ATAD5: variants seen among roughly 807,000 people sequenced by gnomAD.
ATAD5 encodes the protein ATPase family AAA domain containing 5.
A neutral mutation model predicts 176.9 loss-of-function variants in ATAD5; 58 were observed. That is an observed-to-expected ratio of 0.33 (90% CI 0.27 to 0.41). The LOEUF is 0.41. Ranked by LOEUF, ATAD5 falls within the 10% of genes least tolerant of loss-of-function variation. The probability of loss-of-function intolerance (pLI) is 1.00; values close to 1 mark genes in which losing one functional copy is unlikely to be tolerated. For synonymous variants in ATAD5, 640 were observed against 712.6 expected, an observed-to-expected ratio of 0.90 and a Z score of 1.62; for missense variants, 1,789 against 2,094.1, an observed-to-expected ratio of 0.85 and a Z score of 2.84.
In ATAD5 at chr17:30,832,189, C is replaced by G; in HGVS notation, c.-159C>G. ...ATTCGGCTGATCTGGGCCCAGCCTC[C>G]GCTCCCGCTCTCTGTCGGTGGGCGC... is the stretch of plus-strand genomic sequence containing the variant. On this transcript the variant is annotated 5_prime_UTR_variant, in exon 1 of 23. Transcript: ENST00000321990. 4.4e-6 allele frequency: 2 copies of G among 456,388 alleles called. No individual in the cohort carries two copies. Among genetic ancestry groups the G allele is most frequent in the South Asian group, 1.3e-4 (2 of 15,988 alleles). 28.3% of individuals were successfully genotyped at this position (456,388 alleles called of 1,614,324 possible).
At chr17:30,879,671 T>G (rs1483329708) in intron 18 of ATAD5, among the ~76,000 whole-genome samples, 184 bp downstream of exon 18, 2 of 151,886 alleles carry the variant, frequency 1.3e-5, no homozygotes, top group Non-Finnish European at 2.9e-5. Flanking sequence ...CACGCCATTC[T>G]CCTGCCTCAG....
chr17:30,884,549 C>T (rs1235427450), intron 18 of ATAD5, among the ~76,000 whole-genome samples: 4 of 150,734 alleles, frequency 2.7e-5, no homozygotes, highest in African/African-American at 4.9e-5. Context: ...TTGCCTCAGC[C>T]TCCCGAGTAG....
intron 6 of ATAD5, among the ~76,000 whole-genome samples, chr17:30,850,873 T>A (rs1366697786): frequency 0.03 from 476 of 15,914 alleles, no homozygotes; most frequent in East Asian, 0.074. Flanking sequence ...ATATATATTT[T>A]TTTTTTTTTT....
chr17:30,877,332 T>C, intron 15 of ATAD5, 84 bp from the exon 16 acceptor site: 1 of 968,372 alleles, frequency 1.0e-6, no homozygotes. Flanking sequence ...ATAATGGATT[T>C]CAGTTTGAGC....
At chr17:30,892,902 T>TC (rs1443799506) in intron 20 of ATAD5, 114 bp downstream of exon 20, 2 of 953,936 alleles carry the variant, frequency 2.1e-6, no homozygotes, top group African/African-American at 3.3e-5. Context: ...ATAATTTGTA[T>TC]AAGCCTTAGG....
In ATAD5 at chr17:30,894,592, A is replaced by G; in HGVS notation, c.5326A>G (p.Lys1776Glu). 1.2e-6 allele frequency: 2 copies of G among 1,611,758 alleles called. No homozygotes were observed. The highest frequency in any genetic ancestry group is 1.7e-6 in the Non-Finnish European group (2 of 1,179,382). ...DNAWKRISVI[K>E]SVFSSRSLLY... Reference sequence around the variant, plus strand: ...TGCTTGGAAGAGGATATCAGTCATTAAAAGTGTATTTTCGAGTCGATCTCT... The same window carrying G: ...TGCTTGGAAGAGGATATCAGTCATTGAAAGTGTATTTTCGAGTCGATCTCT... The change falls in exon 22 of 23, where the codon AAA (lysine) becomes GAA (glutamate). Residue 1776 changes from lysine (K) to glutamate (E), a missense_variant. This residue lies in a region of ATAD5 where 403 missense variants were observed against 495.1 expected (regional missense o/e 0.81). Transcript: ENST00000321990.
chr17:30,835,699 G>T lies in ATAD5; in HGVS notation c.1618G>T (p.Val540Phe), dbSNP rs1212819372. 1 of 1,609,362 alleles carries T rather than the reference G, an allele frequency of 6.2e-7. No homozygotes were observed. The highest frequency in any genetic ancestry group is 1.1e-5 in the South Asian group (1 of 89,712). ...CACTTTATTTAACAATGAAAGTCTT[G>T]TTTATGAAGATATAGCAAATGATGA... ...SSTLFNNESL[V>F]YEDIANDDLL... is the part of the protein sequence containing the mutation. Residue 540 changes from valine to phenylalanine, a missense_variant, in exon 2 of 23, where the codon GTT (valine) becomes TTT (phenylalanine). Around this residue, in one of 6 missense-constraint regions of ATAD5, gnomAD observed 696 missense variants for 712.5 expected, o/e 0.98. Coordinates refer to ENST00000321990, the MANE Select transcript of ATAD5 (RefSeq NM_024857.5).
At chr17:30,860,310 CACT>C in intron 9 of ATAD5, 120 bp from the exon 10 acceptor site, 1 of 1,102,820 alleles carries the variant, frequency 9.1e-7, no homozygotes. Context: ...AGGCCTGAGC[CACT>C]GCACCTGGAT....
At chr17:30,861,327 C>T (rs74614280) in intron 10 of ATAD5, among the ~76,000 whole-genome samples, 4,044 of 151,678 alleles carry the variant, frequency 0.027, 200 homozygotes, top group African/African-American at 0.092. Flanking sequence ...AGTCCTAGAA[C>T]TCTTTTTGTT....
At chr17:30,857,151 C>A (rs375254581) in intron 8 of ATAD5, 39 bp downstream of exon 8, 126 of 1,561,712 alleles carry the variant, frequency 8.1e-5, no homozygotes, top group Middle Eastern at 1.7e-4. Flanking sequence ...GAGTGTTTCC[C>A]TTACATCTTG....
At chr17:30,838,500 G>A (rs917379093) in intron 3 of ATAD5, among the ~76,000 whole-genome samples, 2 of 152,124 alleles carry the variant, frequency 1.3e-5, no homozygotes, top group East Asian at 1.9e-4. Context: ...GTGAGGAAAC[G>A]TGTTTTTATT....
intron 12 of ATAD5, among the ~76,000 whole-genome samples, 189 bp from the exon 13 acceptor site, chr17:30,869,059 C>G (rs1908182032): frequency 6.6e-6 from 1 of 151,946 alleles, no homozygotes; most frequent in Non-Finnish European, 1.5e-5. Flanking sequence ...AACTCCTGAC[C>G]TTGTGATCTG....
intron 6 of ATAD5, among the ~76,000 whole-genome samples, chr17:30,850,869 A>T (rs935612184): frequency 0.025 from 366 of 14,602 alleles, 11 homozygotes; most frequent in Non-Finnish European, 0.032. Context: ...ATATATATAT[A>T]TTTTTTTTTT....
Position 30,858,150 on chromosome 17 carries a change from C to T in ATAD5, c.2794-11C>T. On this transcript the variant is annotated splice_polypyrimidine_tract_variant and intron_variant, in intron 8 of 22. Transcript: ENST00000321990. ...TTGGTCTGTTATTGTGCATTTTATT[C>T]TTTATTGCAGTTCATGAGGACAAGG... is the stretch of plus-strand genomic sequence containing the variant. 1.3e-6 allele frequency: 2 copies of T among 1,522,854 alleles called. No individual in the cohort carries two copies. The highest frequency in any genetic ancestry group is 1.8e-6 in the Non-Finnish European group (2 of 1,135,506). 94.3% of individuals were successfully genotyped at this position (1,522,854 alleles called of 1,614,324 possible). A position where few individuals can be genotyped will look rare whatever the true frequency, so the allele number is the denominator to read the frequency against.
At chr17:30,886,680 G>A (rs1178451746) in intron 18 of ATAD5, among the ~76,000 whole-genome samples, 1 of 151,722 alleles carries the variant, frequency 6.6e-6, no homozygotes, top group Non-Finnish European at 1.5e-5. Context: ...GGCTAAGGCA[G>A]GAAGACTGCT....
intron 19 of ATAD5, among the ~76,000 whole-genome samples, 193 bp downstream of exon 19, chr17:30,887,565 A>G (rs891406635): frequency 6.6e-6 from 1 of 151,836 alleles, no homozygotes; most frequent in Non-Finnish European, 1.5e-5. Context: ...AAGAAAATTT[A>G]TGGGAGGCCA....
At position 30,887,261 on chromosome 17, in the gene ATAD5, G is replaced by T. The variant is rs1156520518; in HGVS notation, c.4147G>T (p.Val1383Leu). The T allele has an allele frequency of 6.8e-6, 11 of 1,607,674 alleles. No individual in the cohort carries two copies. Among genetic ancestry groups the T allele is most frequent in the Non-Finnish European group, 9.3e-6 (11 of 1,177,732 alleles). Residue 1383 changes from valine (V) to leucine (L), a missense_variant, in exon 19 of 23, where the codon GTA (valine) becomes TTA (leucine). Around this residue, in one of 6 missense-constraint regions of ATAD5, gnomAD observed 194 missense variants for 270.1 expected, o/e 0.72. Transcript: ENST00000321990. ...ENFRTDVKDF[V>L]TLLTANTCDI... is the part of the protein sequence containing the mutation. ...TTTTAGAACTGATGTAAAAGACTTT[G>T]TAACCTTGTTAACTGCAAATACTTG...
intron 6 of ATAD5, among the ~76,000 whole-genome samples, chr17:30,854,057 T>G (rs1487740121): frequency 6.6e-6 from 1 of 151,352 alleles, no homozygotes; most frequent in Non-Finnish European, 1.5e-5. Flanking sequence ...TTATTTAATT[T>G]CTTAACATGG....
At chr17:30,862,959 G>A (rs1907730117) in intron 10 of ATAD5, 1 of 151,972 alleles carries the variant, frequency 6.6e-6, no homozygotes, top group African/African-American at 2.4e-5. Context: ...GAGAGGCCGA[G>A]GTGGGAGCAT....
Sources: gnomAD v4.1 joint callset for allele counts (sites outside exome capture counted in the v4.1 genomes callset) on GRCh38, gnomAD v4.1.1 for gene constraint, gnomAD v4.1.1 regional missense constraint, MANE v1.5 for transcripts, NCBI Gene and HGNC (gene_info 2026-07-23, HGNC 2026-07-21) for gene names.